Variants in SLC36A1 observed in about 807,000 individuals in gnomAD.
The protein encoded by SLC36A1 is solute carrier family 36 member 1, also known as proton-coupled amino acid transporter 1.
Under a neutral mutation model 47.5 loss-of-function variants are expected in SLC36A1, and 30 were observed. The observed-to-expected ratio is 0.63, with a 90% CI of 0.47 to 0.86. The LOEUF is 0.86. Among genes scored for constraint, SLC36A1 ranks in the 40% least tolerant of loss-of-function variants. SLC36A1 has a pLI of 0.00. For missense variants in SLC36A1, 517 were observed against 606.0 expected, an observed-to-expected ratio of 0.85 and a Z score of 1.54; for synonymous variants, 255 against 249.7, an observed-to-expected ratio of 1.02 and a Z score of -0.20.
chr5:151,527,884 G>C, the SLC36A1 span: 1 of 1,389,378 alleles, frequency 7.2e-7, no homozygotes, highest in Non-Finnish European at 9.9e-7. Flanking sequence ...TTCTGGGAAG[G>C]TCTGAGGAAG....
chr5:151,483,516 G>GGGT (rs1201916488), intron 10 of SLC36A1, among the ~76,000 whole-genome samples: 7 of 118,396 alleles, frequency 5.9e-5, no homozygotes, highest in African/African-American at 3.4e-4. Context: ...CTTTGTGTGT[G>GGGT]TGGGGGGGGT....
the SLC36A1 span, among the ~76,000 whole-genome samples, chr5:151,388,501 C>CAAAAAAAAAAAAAA: frequency 8.8e-5 from 8 of 90,766 alleles, no homozygotes; most frequent in Non-Finnish European, 1.2e-4. Context: ...AACTCCATCT[C>CAAAAAAAAAAAAAA]AAAAGAAAAA....
chr5:151,492,391 C>G (rs909638608), downstream of SLC36A1: 1 of 143,210 alleles, frequency 7.0e-6, no homozygotes, highest in Non-Finnish European at 1.5e-5. Context: ...AGGTTGCTAT[C>G]TGTGTCTTTT....
chr5:151,447,853 C>G (rs1286996437), intron 1 of SLC36A1, 40 bp downstream of exon 1: 3 of 152,296 alleles, frequency 2.0e-5, no homozygotes, highest in African/African-American at 7.2e-5. Context: ...GTCCGCGACT[C>G]CTTGGCGTCC....
the SLC36A1 span, chr5:151,378,170 A>C: frequency 3.5e-6 from 1 of 286,350 alleles, no homozygotes; most frequent in African/African-American, 2.3e-5. Flanking sequence ...ACAATCATTC[A>C]CTTTTATTTA....
the SLC36A1 span, among the ~76,000 whole-genome samples, chr5:151,415,144 G>C: frequency 6.6e-6 from 1 of 152,086 alleles, no homozygotes. Context: ...TACTCTGCTT[G>C]GTCTTGGCTG....
chr5:151,395,270 G>A, the SLC36A1 span, among the ~76,000 whole-genome samples: 2 of 152,218 alleles, frequency 1.3e-5, no homozygotes. Context: ...CAGTATTAGG[G>A]TGGGAGTGAC....
At chr5:151,465,234 G>A (rs762104060) in intron 5 of SLC36A1, 65 bp downstream of exon 5, 1 of 1,234,112 alleles carries the variant, frequency 8.1e-7, no homozygotes, top group African/African-American at 1.5e-5. Flanking sequence ...ATGGGGAGGT[G>A]CAACGTGGGA....
At chr5:151,533,221 G>A in the SLC36A1 span, among the ~76,000 whole-genome samples, 1 of 152,066 alleles carries the variant, frequency 6.6e-6, no homozygotes, top group Non-Finnish European at 1.5e-5. Flanking sequence ...CCTGTCCCTG[G>A]AGGTGTGTAA....
At chr5:151,534,493 G>A in the SLC36A1 span, 1 of 1,614,056 alleles carries the variant, frequency 6.2e-7, no homozygotes. Context: ...CAGTGGCTGG[G>A]GAAGAACCGC....
In SLC36A1 at chr5:151,477,059, G is replaced by A. The variant is rs73272015; in HGVS notation, c.989+303G>A. 2,740 of 444,646 alleles carry A rather than the reference G, an allele frequency of 6.2e-3. 66 individuals are homozygous for A. The highest frequency in any genetic ancestry group is 0.05 in the African/African-American group (2,513 of 50,376). The allele number at this position is 444,646 out of a possible 1,614,324, so 27.5% of individuals were successfully genotyped here. A position where few individuals can be genotyped will look rare whatever the true frequency, so the allele number is the denominator to read the frequency against. On this transcript the variant is annotated intron_variant, in intron 9 of 10. Coordinates refer to ENST00000243389, the MANE Select transcript of SLC36A1 (RefSeq NM_078483.4). ...CATTCATGGTAAACCATTCCAAATA[G>A]ACAGGGAGATGGGAGGGCAAACCTG...
chr5:151,474,666 G>C (rs779120175), intron 8 of SLC36A1, among the ~76,000 whole-genome samples: 10 of 151,998 alleles, frequency 6.6e-5, no homozygotes, highest in Non-Finnish European at 2.9e-5. Context: ...TATTTTCTGC[G>C]TGCAAAAGAG....
At chr5:151,484,280 G>A (rs986316298) in intron 10 of SLC36A1, among the ~76,000 whole-genome samples, 1 of 152,168 alleles carries the variant, frequency 6.6e-6, no homozygotes, top group African/African-American at 2.4e-5. Flanking sequence ...GATAATAAAG[G>A]CCTCCTGTCT....
chr5:151,516,910 A>G, the SLC36A1 span, among the ~76,000 whole-genome samples: 1 of 152,268 alleles, frequency 6.6e-6, no homozygotes, highest in East Asian at 1.9e-4. Context: ...GTTCGAGACC[A>G]GCCTGGCCAA....
chr5:151,405,111 C>A, the SLC36A1 span, among the ~76,000 whole-genome samples: 1 of 152,108 alleles, frequency 6.6e-6, no homozygotes, highest in South Asian at 2.1e-4. Context: ...TTTTGTGGGA[C>A]TGAGTTGATT....
chr5:151,525,913 T>C, the SLC36A1 span: 12 of 1,614,054 alleles, frequency 7.4e-6, no homozygotes. Context: ...CTCTGGAGAA[T>C]CTGGGTCACT....
intron 10 of SLC36A1, among the ~76,000 whole-genome samples, chr5:151,485,641 T>C (rs1422917298): frequency 6.6e-6 from 1 of 152,218 alleles, no homozygotes; most frequent in South Asian, 2.1e-4. Flanking sequence ...GCTCTGTTGC[T>C]TCCTGTCGTT....
rs1302310618 is a variant in SLC36A1, at chr5:151,477,370, T to C, written c.989+614T>C. The C allele has an allele frequency of 3.2e-5, 5 of 157,716 alleles. 1 individual carries two copies. In the South Asian group the frequency reaches 9.5e-4, roughly 30 times the overall value. 9.8% of individuals were successfully genotyped at this position (157,716 alleles called of 1,614,324 possible). A position where few individuals can be genotyped will look rare whatever the true frequency, so the allele number is the denominator to read the frequency against. The stretch of plus-strand genomic sequence containing the variant: ...AGAAGCTTGTTGAGTGCTCTGCGGA[T>C]CAGAATCAGCTTTCAGTCTAGGCTG... On this transcript the variant is annotated intron_variant, in intron 9 of 10. Coordinates refer to ENST00000243389, the MANE Select transcript of SLC36A1 (RefSeq NM_078483.4).
chr5:151,543,784 G>A, the SLC36A1 span: 1 of 1,614,104 alleles, frequency 6.2e-7, no homozygotes, highest in Non-Finnish European at 8.5e-7. Context: ...ATTGTAAGAA[G>A]AGTCCAGGTG....
Sources: allele counts gnomAD v4.1 joint callset (sites outside exome capture counted in the v4.1 genomes callset), GRCh38; gene constraint gnomAD v4.1.1; transcripts MANE v1.5; gene names NCBI Gene and HGNC (gene_info 2026-07-23, HGNC 2026-07-21).